The following SLIT3 variants were observed in gnomAD, a reference collection of about 807,000 sequenced individuals.
SLIT3 encodes slit homolog 3 protein.
In SLIT3, 68 loss-of-function variants were observed where a neutral mutation model predicts 184.0. That is an observed-to-expected ratio of 0.37 (90% CI 0.30 to 0.45). The LOEUF (loss-of-function observed/expected upper bound fraction) is 0.45, where lower values mean the gene tolerates loss of function less well. SLIT3 is among the 20% of genes least tolerant of loss of function. The pLI, the probability that SLIT3 is intolerant of heterozygous loss-of-function variation, is 1.00. For synonymous variants in SLIT3, 831 were observed against 828.6 expected (o/e 1.00, Z -0.05); for missense variants, 1,707 against 2,026.0 (o/e 0.84, Z 3.02).
chr5:168,992,235 G>T (rs867460337), intron 4 of SLIT3, among the ~76,000 whole-genome samples: 3 of 152,200 alleles, frequency 2.0e-5, no homozygotes, highest in South Asian at 4.1e-4. Context: ...GCTGGTGAAG[G>T]TTTTTTGAGG....
chr5:169,260,170 A>G (rs1227867541), intron 1 of SLIT3, among the ~76,000 whole-genome samples: 7 of 152,202 alleles, frequency 4.6e-5, no homozygotes, highest in Non-Finnish European at 8.8e-5. Flanking sequence ...AAAAAATCCC[A>G]TAGTGTGATT....
At position 168,919,637 on chromosome 5, in the gene SLIT3, A is replaced by AT. The variant is rs571984961; in HGVS notation, c.414-36302dup. 7.3e-3 allele frequency among the ~76,000 whole-genome samples: 1,112 copies of AT among 152,002 alleles called. 13 individuals carry two copies. Among genetic ancestry groups the AT allele is most frequent in the African/African-American group, 0.025 (1,023 of 41,460 alleles). On this transcript the variant is annotated intron_variant, in intron 4 of 35. Coordinates refer to ENST00000519560, the MANE Select transcript of SLIT3 (RefSeq NM_003062.4). ...GTATTGTAAAATTAGGTAATATGTA[A>AT]TTTTTTTAAAAAAAAAACAAAGAAC...
intron 4 of SLIT3, among the ~76,000 whole-genome samples, chr5:168,966,905 A>G (rs935085539): frequency 1.3e-5 from 2 of 152,184 alleles, no homozygotes; most frequent in East Asian, 1.9e-4. Context: ...ATTTGGCAAT[A>G]TATTTCAAAA....
intron 4 of SLIT3, among the ~76,000 whole-genome samples, chr5:169,073,643 A>C (rs985774391): frequency 6.6e-6 from 1 of 151,982 alleles, no homozygotes; most frequent in Non-Finnish European, 1.5e-5. Context: ...TCTTGGTGCT[A>C]TTCCCATGGT....
intron 1 of SLIT3, among the ~76,000 whole-genome samples, chr5:169,257,129 G>A (rs1480030088): frequency 1.3e-5 from 2 of 152,158 alleles, no homozygotes; most frequent in Non-Finnish European, 2.9e-5. Flanking sequence ...TTCTTTGCAT[G>A]TATGTGCAAC....
At chr5:168,806,254 T>G (rs1448376400) in intron 9 of SLIT3, among the ~76,000 whole-genome samples, 192 bp downstream of exon 9, 1 of 152,188 alleles carries the variant, frequency 6.6e-6, no homozygotes, top group African/African-American at 2.4e-5. Context: ...GATTCTGATC[T>G]CGAGTCTATG....
chr5:169,140,480 CAAAAAAAAAAA>C (rs34881862), intron 4 of SLIT3, among the ~76,000 whole-genome samples: 6,220 of 46,966 alleles, frequency 0.13, 484 homozygotes, highest in East Asian at 0.5. Flanking sequence ...AACTCTAACT[CAAAAAAAAAAA>C]AAAAAAAAAA....
At position 168,884,549 on chromosome 5, in the gene SLIT3, GATATATATATAT is replaced by G. The variant is rs58407375; in HGVS notation, c.414-1225_414-1214del. Among the ~76,000 whole-genome samples, 74 of 41,152 alleles carry G rather than the reference GATATATATATAT, an allele frequency of 1.8e-3. 7 individuals carry two copies. Among genetic ancestry groups the G allele is most frequent in the African/African-American group, 4.9e-3 (45 of 9,092 alleles). The allele number at this position is 41,152 out of a possible 152,430, so 27.0% of individuals were successfully genotyped here. On this transcript the variant is annotated intron_variant, in intron 4 of 35. Transcript: ENST00000519560. ...ATCTAACTACTGCTACCAATTACGA[GATATATATATAT>G]ATATATATATATATATATATGAAAT...
chr5:169,088,397 A>ATTT (rs35908644), intron 4 of SLIT3, among the ~76,000 whole-genome samples: 6 of 135,986 alleles, frequency 4.4e-5, no homozygotes, highest in African/African-American at 1.6e-4. Context: ...TTTTTCTTCG[A>ATTT]TTTTTTTTTT....
chr5:169,103,890 A>C (rs1760107162), intron 4 of SLIT3, among the ~76,000 whole-genome samples: 1 of 152,194 alleles, frequency 6.6e-6, no homozygotes, highest in Non-Finnish European at 1.5e-5. Context: ...GATGGGTGGC[A>C]GGGGCAGGAT....
intron 4 of SLIT3, among the ~76,000 whole-genome samples, chr5:169,051,361 C>G (rs1198081163): frequency 6.6e-6 from 1 of 151,600 alleles, no homozygotes; most frequent in Non-Finnish European, 1.5e-5. Flanking sequence ...GGTGCTGAAT[C>G]TTGATTCTCA....
At chr5:168,999,147 C>T (rs1363568926) in intron 4 of SLIT3, among the ~76,000 whole-genome samples, 1 of 152,110 alleles carries the variant, frequency 6.6e-6, no homozygotes, top group East Asian at 1.9e-4. Flanking sequence ...AATTCCTGGG[C>T]TCAAGGTATC....
At chr5:168,954,205 T>C (rs150099883) in intron 4 of SLIT3, among the ~76,000 whole-genome samples, 61 of 152,226 alleles carry the variant, frequency 4.0e-4, no homozygotes, top group African/African-American at 1.4e-3. Flanking sequence ...TCCTGAACCC[T>C]AACCACTTAG....
chr5:169,187,346 C>T (rs923395115), intron 4 of SLIT3, among the ~76,000 whole-genome samples: 1 of 151,784 alleles, frequency 6.6e-6, no homozygotes. Flanking sequence ...CTCTTGACCT[C>T]GTCATCCGCC....
Position 168,868,747 on chromosome 5 carries a change from C to CAA in SLIT3, c.485+14516_485+14517dup, listed in dbSNP as rs375837097. ...CGGGTGGCAGTGTGGGAATCTGCCT[C>CAA]AAAAAAAAAAAAAAAAAAAGAAAAA... On this transcript the variant is annotated intron_variant, in intron 5 of 35. Coordinates refer to ENST00000519560, the MANE Select transcript of SLIT3 (RefSeq NM_003062.4). Among the ~76,000 whole-genome samples the CAA allele has an allele frequency of 7.6e-3, 524 of 69,172 alleles. 6 individuals are homozygous for CAA. Among genetic ancestry groups the CAA allele is most frequent in the Non-Finnish European group, 0.011 (389 of 34,476 alleles). 45.4% of individuals were successfully genotyped at this position (69,172 alleles called of 152,430 possible).
chr5:169,148,541 C>T (rs1762008359), intron 4 of SLIT3, among the ~76,000 whole-genome samples: 1 of 152,102 alleles, frequency 6.6e-6, no homozygotes, highest in Admixed American at 6.5e-5. Context: ...TGAGATTAAA[C>T]CTTCTAGAGA....
chr5:169,163,465 G>A (rs147410089), intron 4 of SLIT3, among the ~76,000 whole-genome samples: 15 of 152,260 alleles, frequency 9.9e-5, no homozygotes, highest in East Asian at 1.9e-4. Context: ...CCTTAATCCC[G>A]ACACAGGCTT....
intron 4 of SLIT3, among the ~76,000 whole-genome samples, chr5:169,132,538 A>G (rs912163417): frequency 2.0e-5 from 3 of 152,220 alleles, no homozygotes; most frequent in Non-Finnish European, 2.9e-5. Context: ...TGACTTATGC[A>G]AATTCCTGGG....
chr5:168,756,269 C>T (rs1754944422), intron 16 of SLIT3, among the ~76,000 whole-genome samples: 1 of 152,184 alleles, frequency 6.6e-6, no homozygotes, highest in African/African-American at 2.4e-5. Flanking sequence ...CTGGGCTGAC[C>T]CACAACAATG....
Sources: gnomAD v4.1 joint callset for allele counts (sites outside exome capture counted in the v4.1 genomes callset) on GRCh38, gnomAD v4.1.1 for gene constraint, MANE v1.5 for transcripts, NCBI Gene and HGNC (gene_info 2026-07-23, HGNC 2026-07-21) for gene names.